Variants in MICU2 observed in about 807,000 individuals in gnomAD.
The protein encoded by MICU2 is calcium uptake protein 2, mitochondrial.
In MICU2, 64 loss-of-function variants were observed where a neutral mutation model predicts 60.4. The observed-to-expected ratio is 1.06, with a 90% CI of 0.87 to 1.31. The LOEUF (loss-of-function observed/expected upper bound fraction) is 1.31. Ranked by LOEUF, MICU2 falls within the 50% of genes most tolerant of loss-of-function variation. The probability of loss-of-function intolerance (pLI) is 0.00; values close to 1 mark genes in which losing one functional copy is unlikely to be tolerated. For missense variants in MICU2, 569 were observed against 531.0 expected, an observed-to-expected ratio of 1.07 and a Z score of -0.70; for synonymous variants, 201 against 175.0, an observed-to-expected ratio of 1.15 and a Z score of -1.17.
intron 1 of MICU2, chr13:21,603,736 C>G (rs1888881422): frequency 6.7e-6 from 4 of 594,296 alleles, no homozygotes; most frequent in Non-Finnish European, 1.2e-5. Flanking sequence ...CTCCGGTCAC[C>G]AGCCTCGAAG....
At chr13:21,497,403 A>G (rs1187155297) in intron 9 of MICU2, among the ~76,000 whole-genome samples, 3 of 151,932 alleles carry the variant, frequency 2.0e-5, no homozygotes, top group Non-Finnish European at 4.4e-5. Flanking sequence ...AAGAAAACTC[A>G]GTTTTTTCCA....
intron 4 of MICU2, among the ~76,000 whole-genome samples, chr13:21,528,520 A>G (rs78836733): frequency 0.056 from 8,575 of 152,222 alleles, 808 homozygotes; most frequent in African/African-American, 0.2. Context: ...CACAATCAAC[A>G]TTACAGACAA....
chr13:21,552,588 T>C (rs893784306), intron 2 of MICU2, among the ~76,000 whole-genome samples: 24 of 152,202 alleles, frequency 1.6e-4, no homozygotes, highest in Non-Finnish European at 3.5e-4. Flanking sequence ...CTTTAATTCA[T>C]CTTGAATTAA....
At chr13:21,512,505 T>C (rs954271036) in intron 7 of MICU2, among the ~76,000 whole-genome samples, 1 of 148,556 alleles carries the variant, frequency 6.7e-6, no homozygotes, top group Non-Finnish European at 1.5e-5. Context: ...TGGAGTGCAG[T>C]GGCTCGATCT....
chr13:21,557,409 A>G (rs1035027406), intron 2 of MICU2, among the ~76,000 whole-genome samples: 10 of 152,192 alleles, frequency 6.6e-5, no homozygotes, highest in Non-Finnish European at 1.3e-4. Context: ...AGAGTGCACA[A>G]TGGAGGACTG....
chr13:21,528,218 T>C (rs1343424943), intron 4 of MICU2, among the ~76,000 whole-genome samples: 2 of 152,198 alleles, frequency 1.3e-5, no homozygotes, highest in Non-Finnish European at 2.9e-5. Context: ...CGATAGAGTA[T>C]AAATTTTGAT....
At chr13:21,558,203 T>C (rs1400855368) in intron 2 of MICU2, among the ~76,000 whole-genome samples, 2 of 152,182 alleles carry the variant, frequency 1.3e-5, no homozygotes, top group Non-Finnish European at 2.9e-5. Context: ...GTGTTAAGCC[T>C]CTGATGTTGC....
chr13:21,541,079 T>A (rs1442819136), intron 2 of MICU2, among the ~76,000 whole-genome samples: 1 of 152,070 alleles, frequency 6.6e-6, no homozygotes, highest in Non-Finnish European at 1.5e-5. Flanking sequence ...AATCCTTACA[T>A]CCAACTTAAA....
intron 4 of MICU2, among the ~76,000 whole-genome samples, chr13:21,536,558 C>A (rs529990873): frequency 5.4e-4 from 82 of 152,260 alleles, no homozygotes; most frequent in African/African-American, 1.7e-3. Flanking sequence ...GTCTTGAACT[C>A]CTGGGCTCAA....
At chr13:21,507,404 T>G (rs1457660218) in intron 8 of MICU2, among the ~76,000 whole-genome samples, 1 of 152,152 alleles carries the variant, frequency 6.6e-6, no homozygotes, top group Admixed American at 6.5e-5. Context: ...ATCAGTATTA[T>G]GATAATAGCT....
chr13:21,566,938 C>T lies in MICU2; in HGVS notation c.217G>A (p.Val73Ile), dbSNP rs770046745. Reference sequence around the variant, plus strand: ...CCAATATATATTATTCCATGTTCAACATTTTTCTAAAAGAAAAATAAATTG... The same window carrying T: ...CCAATATATATTATTCCATGTTCAATATTTTTCTAAAAGAAAAATAAATTG... ...GSFTVSAQKN[V>I]EHGIIYIGKP... Residue 73 changes from valine to isoleucine, a missense_variant, in exon 2 of 12, where the codon GTT becomes ATT. Physicochemically the swap from Val to Ile is conservative, Grantham distance 29. Transcript: ENST00000382374. The T allele has an allele frequency of 3.3e-5, 52 of 1,593,004 alleles. No individual in the cohort carries two copies. The highest frequency in any genetic ancestry group is 4.0e-5 in the Non-Finnish European group (47 of 1,173,552).
At chr13:21,495,058 A>G in intron 11 of MICU2, 103 bp downstream of exon 11, 1 of 709,964 alleles carries the variant, frequency 1.4e-6, no homozygotes, top group Non-Finnish European at 2.1e-6. Flanking sequence ...TCTTTTTATA[A>G]GTGATGAAAA....
chr13:21,599,697 T>C (rs1479198956), intron 1 of MICU2, among the ~76,000 whole-genome samples: 1 of 152,252 alleles, frequency 6.6e-6, no homozygotes, highest in African/African-American at 2.4e-5. Flanking sequence ...TCCTGAATTA[T>C]TGCAACAGCT....
At chr13:21,564,884 T>C (rs1034004279) in intron 2 of MICU2, among the ~76,000 whole-genome samples, 39 of 152,252 alleles carry the variant, frequency 2.6e-4, no homozygotes, top group African/African-American at 8.9e-4. Context: ...TCAGGAGTTG[T>C]TATCTCTCAA....
At chr13:21,547,338 T>C (rs1246761858) in intron 2 of MICU2, among the ~76,000 whole-genome samples, 1 of 152,216 alleles carries the variant, frequency 6.6e-6, no homozygotes, top group Non-Finnish European at 1.5e-5. Context: ...TCTCCTCATA[T>C]GGCATATTCT....
intron 1 of MICU2, chr13:21,603,679 G>C: frequency 1.8e-6 from 1 of 540,792 alleles, no homozygotes. Context: ...CAGTTTTGTG[G>C]GCCGTGGTGT....
intron 2 of MICU2, among the ~76,000 whole-genome samples, chr13:21,547,371 G>A (rs1887441328): frequency 1.3e-5 from 2 of 152,104 alleles, no homozygotes; most frequent in African/African-American, 4.8e-5. Context: ...TTTACCTAGG[G>A]AAATTCTATC....
chr13:21,498,910 G>A (rs1376573314), intron 9 of MICU2, among the ~76,000 whole-genome samples: 2 of 151,956 alleles, frequency 1.3e-5, no homozygotes, highest in Non-Finnish European at 2.9e-5. Flanking sequence ...CAACTTTTTT[G>A]ATGTCTGCTT....
chr13:21,576,335 C>G (rs1268224073), intron 1 of MICU2, among the ~76,000 whole-genome samples: 1 of 152,092 alleles, frequency 6.6e-6, no homozygotes, highest in Non-Finnish European at 1.5e-5. Context: ...GATATAAGCT[C>G]TAATTTCAGG....
Sources: allele counts gnomAD v4.1 joint callset (sites outside exome capture counted in the v4.1 genomes callset), GRCh38; gene constraint gnomAD v4.1.1; transcripts MANE v1.5; gene names NCBI Gene and HGNC (gene_info 2026-07-23, HGNC 2026-07-21).